The following AKT3 variants were observed in gnomAD, a reference collection of about 807,000 sequenced individuals.
AKT3 encodes AKT serine/threonine kinase 3.
A neutral mutation model predicts 65.3 loss-of-function variants in AKT3; 15 were observed. The ratio of observed to expected loss-of-function variants is 0.23; its 90% CI spans 0.15 to 0.35. The LOEUF is 0.35. Ranked by LOEUF, AKT3 falls within the 10% of genes least tolerant of loss-of-function variation. The pLI is 1.00. For synonymous variants in AKT3, 206 were observed against 183.8 expected (o/e 1.12, Z -0.98); for missense variants, 243 against 576.5 (o/e 0.42, Z 5.92).
intron 2 of AKT3, among the ~76,000 whole-genome samples, chr1:243,725,501 A>T (rs1384973677): frequency 6.6e-6 from 1 of 152,212 alleles, no homozygotes; most frequent in African/African-American, 2.4e-5. Context: ...AACAGAACTC[A>T]GCCTTTTTTG....
At chr1:243,723,400 A>G (rs556483279) in intron 2 of AKT3, among the ~76,000 whole-genome samples, 31 of 152,334 alleles carry the variant, frequency 2.0e-4, no homozygotes, top group Admixed American at 1.7e-3. Context: ...TTTGAAGCCA[A>G]TGTAGTCTGA....
intron 1 of AKT3, 72 bp from the exon 2 acceptor site, chr1:243,843,354 T>C: frequency 7.6e-7 from 1 of 1,308,894 alleles, no homozygotes. Flanking sequence ...AAACAACTAA[T>C]TCTTTGTAAA....
chr1:243,850,045 ACGGCGG>A lies in AKT3; in HGVS notation c.-124_-119del, dbSNP rs530666483. 13,028 of 980,594 alleles carry A rather than the reference ACGGCGG, an allele frequency of 0.013. 1,375 individuals are homozygous for A. In the African/African-American group the frequency reaches 0.21, roughly 16 times the overall value. 60.7% of individuals were successfully genotyped at this position (980,594 alleles called of 1,614,324 possible). ...TTGGGGGCGGTGGCTGTTACCTGCA[ACGGCGG>A]CGGCGGCGGTGGCGGCCCCGCAGCT... On this transcript the variant is annotated 5_prime_UTR_variant, in exon 1 of 14. Transcript: ENST00000673466.
At chr1:243,634,820 G>A (rs1262575692) in intron 6 of AKT3, among the ~76,000 whole-genome samples, 1 of 151,774 alleles carries the variant, frequency 6.6e-6, no homozygotes, top group African/African-American at 2.4e-5. Flanking sequence ...TGAAAGAACT[G>A]CAGAAAGCAA....
chr1:243,718,340 A>T (rs1245657042), intron 2 of AKT3, among the ~76,000 whole-genome samples: 4 of 152,216 alleles, frequency 2.6e-5, no homozygotes, highest in Non-Finnish European at 5.9e-5. Context: ...AAAATTGGAA[A>T]CATCAAGTGA....
intron 12 of AKT3, among the ~76,000 whole-genome samples, chr1:243,516,705 TTGAGCAATCCTCCTGCCTCAGCCTCC>T (rs1260096671): frequency 6.6e-6 from 1 of 151,792 alleles, no homozygotes; most frequent in South Asian, 2.1e-4. Context: ...CTCAGCCTCC[TTGAGCAATCCTCCTGCCTCAGCCTCC>T]TGAGCAGCTA....
rs1672606867 is a variant in AKT3 at position 243,545,546 on chromosome 1, G to A, written c.1215C>T (p.Phe405=). 2 of 1,612,716 alleles carry A rather than the reference G, an allele frequency of 1.2e-6. No homozygotes were observed. Among genetic ancestry groups the A allele is most frequent in the African/African-American group, 1.3e-5 (1 of 74,892 alleles). Residue 405 remains phenylalanine, a synonymous_variant, in exon 12 of 14, where the codon TTC becomes TTT. Transcript: ENST00000673466. ...ATACATCTTGCCAGTTTACTCCAGA[G>A]AAGAAACTGTGTCTCATAATTTCTT... The part of the protein sequence containing the change: ...DAKEIMRHSF[F]SGVNWQDVYD...
chr1:243,733,279 G>C (rs1487481723), intron 2 of AKT3, among the ~76,000 whole-genome samples: 2 of 152,150 alleles, frequency 1.3e-5, no homozygotes, highest in Non-Finnish European at 2.9e-5. Flanking sequence ...ACAAAAGATA[G>C]CTCTCTTTCA....
chr1:243,774,951 C>T (rs1405268177), intron 2 of AKT3, among the ~76,000 whole-genome samples: 1 of 152,176 alleles, frequency 6.6e-6, no homozygotes, highest in Non-Finnish European at 1.5e-5. Flanking sequence ...CAGCCTCGAC[C>T]TCCCAGGCTC....
intron 3 of AKT3, chr1:243,687,482 G>C (rs918664305): frequency 1.3e-5 from 2 of 152,154 alleles, no homozygotes; most frequent in African/African-American, 4.8e-5. Context: ...CACATGAAAA[G>C]TTATGATTAT....
chr1:243,688,756 A>C (rs1684500248), intron 3 of AKT3, among the ~76,000 whole-genome samples: 1 of 152,142 alleles, frequency 6.6e-6, no homozygotes, highest in African/African-American at 2.4e-5. Flanking sequence ...TGGAAACCGG[A>C]TGTTCAAAAA....
intron 3 of AKT3, among the ~76,000 whole-genome samples, chr1:243,688,921 G>T (rs75114481): frequency 1.1e-4 from 17 of 151,356 alleles, no homozygotes; most frequent in Non-Finnish European, 2.4e-4. Context: ...GCCTTCATTT[G>T]TTTGCTTATG....
chr1:243,685,348 T>C (rs921637817), intron 3 of AKT3, among the ~76,000 whole-genome samples: 4 of 152,180 alleles, frequency 2.6e-5, no homozygotes, highest in Non-Finnish European at 4.4e-5. Context: ...TTGAGTTAAT[T>C]TGTGCATAAA....
intron 8 of AKT3, among the ~76,000 whole-genome samples, chr1:243,579,609 T>C (rs1021962288): frequency 3.9e-5 from 6 of 152,112 alleles, no homozygotes; most frequent in Non-Finnish European, 8.8e-5. Context: ...TTTAAAAAAA[T>C]GGATGAGGTG....
intron 2 of AKT3, among the ~76,000 whole-genome samples, chr1:243,810,129 G>T (rs919593677): frequency 2.0e-5 from 3 of 152,086 alleles, no homozygotes; most frequent in Non-Finnish European, 2.9e-5. Flanking sequence ...AGAAGCAAGA[G>T]CAAACACATT....
At chr1:243,693,292 A>ATG (rs1684842233) in intron 3 of AKT3, among the ~76,000 whole-genome samples, 3 of 121,846 alleles carry the variant, frequency 2.5e-5, no homozygotes, top group Non-Finnish European at 3.4e-5. Context: ...ATATATATAT[A>ATG]TAACATTTCC....
intron 12 of AKT3, among the ~76,000 whole-genome samples, chr1:243,535,404 C>T (rs1671857698): frequency 6.6e-6 from 1 of 152,014 alleles, no homozygotes; most frequent in South Asian, 2.1e-4. Flanking sequence ...CTCCAGTGTC[C>T]ACTCTACTAC....
At chr1:243,810,644 G>T (rs1430799171) in intron 2 of AKT3, among the ~76,000 whole-genome samples, 1 of 152,096 alleles carries the variant, frequency 6.6e-6, no homozygotes, top group South Asian at 2.1e-4. Context: ...CCAATCAATA[G>T]AAAAAGAGGG....
chr1:243,760,035 T>C (rs940463384), intron 2 of AKT3, among the ~76,000 whole-genome samples: 3 of 152,312 alleles, frequency 2.0e-5, no homozygotes, highest in South Asian at 2.1e-4. Flanking sequence ...CAGGAAACTT[T>C]AGGCTTTAAA....
Sources: allele counts gnomAD v4.1 joint callset (sites outside exome capture counted in the v4.1 genomes callset), GRCh38; gene constraint gnomAD v4.1.1; transcripts MANE v1.5; gene names NCBI Gene and HGNC (gene_info 2026-07-23, HGNC 2026-07-21).